The following TCF12 variants were observed in gnomAD, a reference collection of about 807,000 sequenced individuals.
TCF12 encodes the protein transcription factor 12, also known as DNA-binding protein HTF4.
A neutral mutation model predicts 86.0 loss-of-function variants in TCF12; 45 were observed. The ratio of observed to expected loss-of-function variants is 0.52; its 90% CI spans 0.41 to 0.67. The LOEUF is 0.67. Ranked by LOEUF, TCF12 falls within the 30% of genes least tolerant of loss-of-function variation. The probability of loss-of-function intolerance (pLI) is 0.00; values close to 1 mark genes in which losing one functional copy is unlikely to be tolerated. For missense variants in TCF12, 881 were observed against 859.9 expected (o/e 1.02, Z -0.31); for synonymous variants, 330 against 299.6 (o/e 1.10, Z -1.05).
At chr15:57,262,623 TAAA>T (rs2060640762) in intron 17 of TCF12, among the ~76,000 whole-genome samples, 1 of 152,276 alleles carries the variant, frequency 6.6e-6, no homozygotes, top group African/African-American at 2.4e-5. Flanking sequence ...GCAATTTTGA[TAAA>T]AAGCAAACTT....
In TCF12 at chr15:57,174,864, G is replaced by C. The variant is rs573910767; in HGVS notation, c.390+8398G>C. Among the ~76,000 whole-genome samples the C allele has an allele frequency of 1.5e-3, 232 of 152,290 alleles. 1 individual carries two copies. The highest frequency in any genetic ancestry group is 2.7e-3 in the Non-Finnish European group (186 of 68,018). On this transcript the variant is annotated intron_variant, in intron 6 of 20. Coordinates refer to ENST00000333725, the MANE Select transcript of TCF12 (RefSeq NM_207037.2). ...GTGAAAACTCAAACATCTGTTGGAA[G>C]GCTTACTGTCACTTAGATGTTAGTT...
intron 3 of TCF12, among the ~76,000 whole-genome samples, chr15:56,923,090 G>A (rs749573745): frequency 2.6e-5 from 4 of 151,826 alleles, no homozygotes; most frequent in Non-Finnish European, 4.4e-5. Context: ...TTTGTTTTCT[G>A]TTTTGTCTTT....
At chr15:56,993,033 G>T (rs1483632701) in intron 3 of TCF12, among the ~76,000 whole-genome samples, 2 of 152,072 alleles carry the variant, frequency 1.3e-5, no homozygotes, top group Non-Finnish European at 2.9e-5. Context: ...AATAATACCA[G>T]GTGGGATATG....
chr15:57,041,149 T>C (rs767075998), intron 3 of TCF12, among the ~76,000 whole-genome samples: 6 of 152,156 alleles, frequency 3.9e-5, no homozygotes, highest in Non-Finnish European at 8.8e-5. Flanking sequence ...AAAAATGCAT[T>C]GGAAGACAGA....
chr15:57,182,309 A>G (rs2056404218), intron 6 of TCF12, among the ~76,000 whole-genome samples: 1 of 152,144 alleles, frequency 6.6e-6, no homozygotes, highest in Admixed American at 6.5e-5. Context: ...AAAGAAAAAT[A>G]TATTATTTTA....
chr15:57,193,540 A>G (rs1253047942), intron 7 of TCF12, among the ~76,000 whole-genome samples: 2 of 152,208 alleles, frequency 1.3e-5, no homozygotes, highest in Admixed American at 6.5e-5. Context: ...AAATGTCAGA[A>G]TTTCTGGTGA....
At chr15:57,155,179 A>AT (rs1352215410) in intron 5 of TCF12, among the ~76,000 whole-genome samples, 2 of 151,960 alleles carry the variant, frequency 1.3e-5, no homozygotes, top group East Asian at 1.9e-4. Context: ...GAATGTTGGG[A>AT]TTTTTTTCTT....
intron 6 of TCF12, among the ~76,000 whole-genome samples, chr15:57,189,316 T>C (rs1053704414): frequency 2.6e-5 from 4 of 152,172 alleles, no homozygotes; most frequent in African/African-American, 9.7e-5. Context: ...GTCTACAGAA[T>C]GAGGGAAAAT....
chr15:56,966,196 A>G (rs551745096), intron 3 of TCF12, among the ~76,000 whole-genome samples: 2 of 151,278 alleles, frequency 1.3e-5, no homozygotes, highest in South Asian at 4.2e-4. Flanking sequence ...TAGTTGCCCT[A>G]TTTTTTTTGG....
At chr15:57,076,858 ATT>A (rs554043967) in intron 4 of TCF12, among the ~76,000 whole-genome samples, 1 of 151,186 alleles carries the variant, frequency 6.6e-6, no homozygotes, top group African/African-American at 2.4e-5. Flanking sequence ...GTCAACGTTA[ATT>A]TTTTTTTCAT....
rs1555511575 is a variant in TCF12 at position 57,123,982 on chromosome 15, A to AT, written c.325+32105dup. ...AGACTCCGTCTCAAAAAAAAAAAAA[A>AT]TTTTTTTTTTTTTTCCATAGGGACA... On this transcript the variant is annotated intron_variant, in intron 5 of 20. Transcript: ENST00000333725. 3.1e-3 allele frequency among the ~76,000 whole-genome samples: 340 copies of AT among 111,062 alleles called. 6 individuals are homozygous for AT. The highest frequency in any genetic ancestry group is 0.025 in the East Asian group (101 of 4,102). 72.9% of individuals were successfully genotyped at this position (111,062 alleles called of 152,430 possible). A position where few individuals can be genotyped will look rare whatever the true frequency, so the allele number is the denominator to read the frequency against.
At chr15:57,017,114 G>A (rs7178833) in intron 3 of TCF12, among the ~76,000 whole-genome samples, 2 of 151,998 alleles carry the variant, frequency 1.3e-5, no homozygotes, top group Admixed American at 6.6e-5. Context: ...AGGGTGGCAG[G>A]CTACCTTGTT....
intron 6 of TCF12, among the ~76,000 whole-genome samples, chr15:57,188,456 A>T (rs1378861651): frequency 6.6e-6 from 1 of 152,138 alleles, no homozygotes; most frequent in Non-Finnish European, 1.5e-5. Flanking sequence ...TTTTTTTTGC[A>T]GAAATGAAAA....
chr15:56,997,172 C>T (rs553633348), intron 3 of TCF12, among the ~76,000 whole-genome samples: 53 of 152,270 alleles, frequency 3.5e-4, no homozygotes, highest in African/African-American at 1.2e-3. Flanking sequence ...ACACATATAC[C>T]CGTATGTCCA....
chr15:56,996,585 G>T (rs537066993), intron 3 of TCF12, among the ~76,000 whole-genome samples: 42 of 152,250 alleles, frequency 2.8e-4, no homozygotes, highest in Admixed American at 2.6e-4. Context: ...CCTTGGCAAG[G>T]AATTTGTGGC....
intron 6 of TCF12, among the ~76,000 whole-genome samples, chr15:57,169,872 A>G (rs1047806631): frequency 3.9e-5 from 6 of 152,214 alleles, no homozygotes; most frequent in Non-Finnish European, 8.8e-5. Context: ...GTAATTGTCC[A>G]GTTTTGCAAA....
At chr15:57,062,833 T>G (rs1446706399) in intron 3 of TCF12, among the ~76,000 whole-genome samples, 1 of 152,170 alleles carries the variant, frequency 6.6e-6, no homozygotes, top group East Asian at 1.9e-4. Flanking sequence ...AGTCAACTAT[T>G]TCTGTGTTGA....
At chr15:57,092,111 A>T (rs763552663) in intron 5 of TCF12, 4 of 400,062 alleles carry the variant, frequency 1.0e-5, no homozygotes, top group Non-Finnish European at 1.8e-5. Flanking sequence ...TCAAAAAAAG[A>T]AGTGGCAGTG....
At chr15:56,936,418 C>T (rs115706233) in intron 3 of TCF12, among the ~76,000 whole-genome samples, 1,754 of 152,248 alleles carry the variant, frequency 0.012, 32 homozygotes, top group African/African-American at 0.039. Flanking sequence ...GATTTTCTTG[C>T]ACTCTGTGTG....
Sources: gnomAD v4.1 joint callset for allele counts (sites outside exome capture counted in the v4.1 genomes callset) on GRCh38, gnomAD v4.1.1 for gene constraint, MANE v1.5 for transcripts, NCBI Gene and HGNC (gene_info 2026-07-23, HGNC 2026-07-21) for gene names.